The following KCNN2 variants were observed in gnomAD, a reference collection of about 807,000 sequenced individuals.
The protein encoded by KCNN2 is potassium calcium-activated channel subfamily N member 2, also known as small conductance calcium-activated potassium channel protein 2.
KCNN2 carries 24 observed loss-of-function variants against 55.5 expected under a neutral mutation model. The observed-to-expected ratio is 0.43, with a 90% CI of 0.31 to 0.61. The LOEUF is 0.61. Among genes scored for constraint, KCNN2 ranks in the 20% least tolerant of loss-of-function variants. The pLI, the probability that KCNN2 is intolerant of heterozygous loss-of-function variation, is 0.08. For synonymous variants in KCNN2, 431 were observed against 336.1 expected (o/e 1.28, Z -3.09); for missense variants, 754 against 853.6 (o/e 0.88, Z 1.45).
At chr5:114,323,074 C>T (rs1202146657) in intron 2 of KCNN2, among the ~76,000 whole-genome samples, 1 of 152,182 alleles carries the variant, frequency 6.6e-6, no homozygotes, top group African/African-American at 2.4e-5. Context: ...TTTTCTGTTT[C>T]TGCATTAGTT....
intron 1 of KCNN2, among the ~76,000 whole-genome samples, chr5:114,211,998 A>T (rs1414880172): frequency 6.6e-6 from 1 of 151,178 alleles, no homozygotes; most frequent in Non-Finnish European, 1.5e-5. Flanking sequence ...AATATTATAT[A>T]TTTTATTATA....
chr5:114,218,915 C>G (rs1327979305), intron 1 of KCNN2, among the ~76,000 whole-genome samples: 3 of 152,186 alleles, frequency 2.0e-5, no homozygotes, highest in Non-Finnish European at 4.4e-5. Context: ...ACCTTGTTCA[C>G]TCAGCCTACC....
intron 3 of KCNN2, among the ~76,000 whole-genome samples, chr5:114,451,148 C>T (rs1376829771): frequency 2.0e-5 from 3 of 152,146 alleles, no homozygotes; most frequent in Non-Finnish European, 1.5e-5. Flanking sequence ...CATGTAAATG[C>T]ATAGTGAATA....
chr5:114,460,467 C>T (rs1159881794), intron 3 of KCNN2, among the ~76,000 whole-genome samples: 1 of 152,122 alleles, frequency 6.6e-6, no homozygotes, highest in Non-Finnish European at 1.5e-5. Flanking sequence ...TGGTCCCGAA[C>T]TCCTGACCTC....
intron 1 of KCNN2, among the ~76,000 whole-genome samples, chr5:114,169,061 CCTT>C (rs1752977167): frequency 6.6e-6 from 1 of 152,100 alleles, no homozygotes; most frequent in Admixed American, 6.6e-5. Context: ...TACTCTCTCT[CCTT>C]CTCTGTCATG....
intron 2 of KCNN2, among the ~76,000 whole-genome samples, chr5:114,234,769 A>G (rs564635228): frequency 4.5e-4 from 68 of 152,298 alleles, no homozygotes; most frequent in Middle Eastern, 6.8e-3. Flanking sequence ...GCAGAGCAGG[A>G]TGGCTGCCAA....
chr5:114,151,044 C>A (rs140846666), intron 1 of KCNN2, among the ~76,000 whole-genome samples: 4,356 of 151,366 alleles, frequency 0.029, 219 homozygotes, highest in African/African-American at 0.099. Flanking sequence ...CAAACAACAA[C>A]AAAAAAACAA....
chr5:114,067,850 A>C (rs1345001494), intron 1 of KCNN2, among the ~76,000 whole-genome samples: 2 of 152,228 alleles, frequency 1.3e-5, no homozygotes, highest in East Asian at 1.9e-4. Flanking sequence ...ATTAATGACT[A>C]TTCTAAAATT....
At chr5:114,292,834 T>G (rs1372564991) in intron 2 of KCNN2, among the ~76,000 whole-genome samples, 1 of 152,244 alleles carries the variant, frequency 6.6e-6, no homozygotes, top group Non-Finnish European at 1.5e-5. Flanking sequence ...CATGGAATAT[T>G]CTTACATTTG....
chr5:114,330,945 T>C (rs1222777926), intron 2 of KCNN2, among the ~76,000 whole-genome samples: 3 of 152,252 alleles, frequency 2.0e-5, no homozygotes, highest in Admixed American at 6.5e-5. Flanking sequence ...TGGCAAAGTA[T>C]AAAGATAACA....
At chr5:114,481,205 A>G (rs1286681084) in intron 5 of KCNN2, among the ~76,000 whole-genome samples, 1 of 152,164 alleles carries the variant, frequency 6.6e-6, no homozygotes, top group Non-Finnish European at 1.5e-5. Context: ...TACACCACCA[A>G]CAGGCAAGCA....
intron 3 of KCNN2, among the ~76,000 whole-genome samples, chr5:114,443,845 C>G (rs1760304335): frequency 2.6e-5 from 4 of 152,184 alleles, no homozygotes; most frequent in South Asian, 2.1e-4. Flanking sequence ...GGTTATCACT[C>G]TTCTCTGCTC....
chr5:114,273,868 C>G (rs1755425103), intron 2 of KCNN2, among the ~76,000 whole-genome samples: 1 of 152,150 alleles, frequency 6.6e-6, no homozygotes, highest in Non-Finnish European at 1.5e-5. Flanking sequence ...TCCCATTTGT[C>G]AATTTTGGCT....
chr5:114,272,288 TATATGTATGTACATATCAC>T (rs1755355938), intron 2 of KCNN2, among the ~76,000 whole-genome samples: 2 of 141,114 alleles, frequency 1.4e-5, no homozygotes, highest in Admixed American at 6.8e-5. Context: ...CACACACACA[TATATGTATGTACATATCAC>T]ACACACACAT....
intron 4 of KCNN2, among the ~76,000 whole-genome samples, chr5:114,467,013 G>A (rs79823650): frequency 7.0e-4 from 106 of 152,254 alleles, no homozygotes; most frequent in African/African-American, 2.2e-3. Context: ...CAGGACAGAA[G>A]CCTTTACACA....
chr5:114,477,169 A>G (rs1762008044), intron 5 of KCNN2, among the ~76,000 whole-genome samples: 1 of 152,204 alleles, frequency 6.6e-6, no homozygotes, highest in Non-Finnish European at 1.5e-5. Context: ...CTGATGGTTA[A>G]CAGGAGTAAT....
At chr5:114,237,596 T>C (rs1754529329) in intron 2 of KCNN2, among the ~76,000 whole-genome samples, 2 of 152,124 alleles carry the variant, frequency 1.3e-5, no homozygotes, top group African/African-American at 4.8e-5. Context: ...CACTTTTATC[T>C]CTAAATTTTT....
intron 2 of KCNN2, among the ~76,000 whole-genome samples, chr5:114,294,586 A>G (rs1203382356): frequency 6.6e-6 from 1 of 151,440 alleles, no homozygotes; most frequent in African/African-American, 2.5e-5. Context: ...GTTCTTTTAC[A>G]TATGCTGAGG....
chr5:114,356,044 T>C (rs1757288725), intron 2 of KCNN2, among the ~76,000 whole-genome samples: 2 of 152,076 alleles, frequency 1.3e-5, no homozygotes, highest in South Asian at 4.1e-4. Flanking sequence ...TGTGAGGCCC[T>C]TCACAGGTAG....
Sources: allele counts gnomAD v4.1 joint callset (sites outside exome capture counted in the v4.1 genomes callset), GRCh38; gene constraint gnomAD v4.1.1; transcripts MANE v1.5; gene names NCBI Gene and HGNC (gene_info 2026-07-23, HGNC 2026-07-21).